KDM4A: variants seen among roughly 807,000 people sequenced by gnomAD.
KDM4A encodes lysine demethylase 4A.
Under a neutral mutation model 127.1 loss-of-function variants are expected in KDM4A, and 23 were observed. That is an observed-to-expected ratio of 0.18 (90% CI 0.13 to 0.26). The LOEUF (loss-of-function observed/expected upper bound fraction) is 0.26, where lower values mean the gene tolerates loss of function less well. Among genes scored for constraint, KDM4A ranks in the 10% least tolerant of loss-of-function variants. KDM4A has a pLI of 1.00. For missense variants in KDM4A, 890 were observed against 1,329.1 expected (o/e 0.67, Z 5.14); for synonymous variants, 443 against 466.5 (o/e 0.95, Z 0.65).
chr1:43,666,624 C>T, intron 7 of KDM4A, 69 bp downstream of exon 7: 2 of 1,250,620 alleles, frequency 1.6e-6, no homozygotes, highest in Non-Finnish European at 2.3e-6. Flanking sequence ...CAGTTTTATT[C>T]TAGTTCATCA....
rs922842200 is a variant in KDM4A at position 43,666,966 on chromosome 1, G to T, written c.790G>T (p.Ala264Ser). 5.0e-6 allele frequency: 8 copies of T among 1,614,050 alleles called. No individual in the cohort carries two copies. Among genetic ancestry groups the T allele is most frequent in the Non-Finnish European group, 5.9e-6 (7 of 1,179,942 alleles). Residue 264 changes from alanine (A) to serine (S), a missense_variant, in exon 8 of 22, where the codon GCT becomes TCT. Ala to Ser is a moderately conservative substitution (Grantham distance 99). Around this residue, in one of 7 missense-constraint regions of KDM4A, gnomAD observed 141 missense variants for 273.5 expected, o/e 0.52. Transcript: ENST00000372396. Reference sequence around the variant, plus strand: ...TGCTCTTGTTCAGGTGACTCAAGAGGCTGGAGAGTTTATGATCACTTTCCC... The same window carrying T: ...TGCTCTTGTTCAGGTGACTCAAGAGTCTGGAGAGTTTATGATCACTTTCCC... ...GIPFDKVTQE[A>S]GEFMITFPYG...
chr1:43,663,624 T>A lies in KDM4A; in HGVS notation c.623+537T>A, dbSNP rs548870299. On this transcript the variant is annotated intron_variant, in intron 5 of 21. Transcript: ENST00000372396. ...GCTGACCCATCTTTGAGTCTCAGCA[T>A]TTTTTTTTTTCTATTTTGAGACAGG... Among the ~76,000 whole-genome samples the A allele has an allele frequency of 6.8e-3, 704 of 102,876 alleles. 7 individuals carry two copies. The highest frequency in any genetic ancestry group is 0.023 in the South Asian group (91 of 3,976). The allele number at this position is 102,876 out of a possible 152,430, so 67.5% of individuals were successfully genotyped here.
intron 19 of KDM4A, among the ~76,000 whole-genome samples, chr1:43,701,927 A>T (rs571269501): frequency 2.0e-5 from 3 of 152,384 alleles, no homozygotes; most frequent in African/African-American, 7.2e-5. Context: ...AATGATTAAG[A>T]TTTAACAACA....
intron 9 of KDM4A, 110 bp from the exon 10 acceptor site, chr1:43,668,990 C>A: frequency 1.8e-6 from 2 of 1,108,660 alleles, no homozygotes. Flanking sequence ...TTGAGCCAGG[C>A]CTGACAGGCT....
chr1:43,653,130 T>A lies in KDM4A; in HGVS notation c.-39-7T>A. On this transcript the variant is annotated splice_polypyrimidine_tract_variant and splice_region_variant and intron_variant, in intron 1 of 21. Coordinates refer to ENST00000372396, the MANE Select transcript of KDM4A (RefSeq NM_014663.3). ...TATTATTTTATACTCTTAATGTGTT[T>A]CTTCAGATTCCTGTCTGACTAAAGG... is the stretch of plus-strand genomic sequence containing the variant. 2.6e-6 allele frequency: 4 copies of A among 1,528,196 alleles called. No homozygotes were observed. Among genetic ancestry groups the A allele is most frequent in the Non-Finnish European group, 3.6e-6 (4 of 1,126,128 alleles). The allele number at this position is 1,528,196 out of a possible 1,614,324, so 94.7% of individuals were successfully genotyped here.
At chr1:43,696,321 G>A (rs1055434942) in intron 18 of KDM4A, among the ~76,000 whole-genome samples, 1 of 152,206 alleles carries the variant, frequency 6.6e-6, no homozygotes, top group African/African-American at 2.4e-5. Context: ...TCTGCCATGA[G>A]TGAGTTACAA....
At position 43,672,440 on chromosome 1, in the gene KDM4A, G is replaced by C. The variant is rs567350271; in HGVS notation, c.1734+565G>C. ...CTGACCTCGTGATCTGCCCACCTCA[G>C]CCTCCCAAAGTGGTGGGATTACAGG... On this transcript the variant is annotated intron_variant, in intron 11 of 21. Transcript: ENST00000372396. Among the ~76,000 whole-genome samples the C allele has an allele frequency of 3.9e-5, 6 of 151,916 alleles. 1 individual carries two copies. In the East Asian group the frequency reaches 9.7e-4, roughly 25 times the overall value.
At chr1:43,677,719 A>G (rs964101125) in intron 11 of KDM4A, among the ~76,000 whole-genome samples, 20 of 152,340 alleles carry the variant, frequency 1.3e-4, no homozygotes, top group East Asian at 7.7e-4. Flanking sequence ...GGGGAGGAAG[A>G]AGGAGGCAAA....
At chr1:43,659,171 C>T (rs977478806) in intron 3 of KDM4A, among the ~76,000 whole-genome samples, 1 of 152,064 alleles carries the variant, frequency 6.6e-6, no homozygotes, top group Non-Finnish European at 1.5e-5. Flanking sequence ...TGTACACTTG[C>T]AGTCCTGGCT....
chr1:43,690,003 G>C (rs16831077), intron 13 of KDM4A, among the ~76,000 whole-genome samples: 6,519 of 152,314 alleles, frequency 0.043, 450 homozygotes, highest in African/African-American at 0.15. Context: ...CATAGGCTCT[G>C]GGGTTGACAT....
In KDM4A at chr1:43,691,060, C is replaced by T; in HGVS notation, c.2242+11C>T. 6.2e-7 allele frequency: 1 copy of T among 1,613,368 alleles called. No homozygotes were observed. Among genetic ancestry groups the T allele is most frequent in the South Asian group, 1.1e-5 (1 of 91,048 alleles). On this transcript the variant is annotated intron_variant, in intron 14 of 21. Transcript: ENST00000372396. ...TCCGGGTCCATGCCAGTGAGTGCTGCTCACCTTTCTCTGTGTCCTGTCCCA... is the reference window on the plus strand; with the variant it reads ...TCCGGGTCCATGCCAGTGAGTGCTGTTCACCTTTCTCTGTGTCCTGTCCCA...
intron 5 of KDM4A, among the ~76,000 whole-genome samples, chr1:43,665,107 T>C (rs1194272112): frequency 6.6e-6 from 1 of 152,222 alleles, no homozygotes; most frequent in African/African-American, 2.4e-5. Flanking sequence ...TTTCATTTTT[T>C]AGGAAGAGCA....
chr1:43,677,618 G>T (rs1660771398), intron 11 of KDM4A, among the ~76,000 whole-genome samples: 1 of 152,138 alleles, frequency 6.6e-6, no homozygotes, highest in African/African-American at 2.4e-5. Context: ...ACTTAATCAA[G>T]AAGCTGTCAT....
chr1:43,652,346 C>T (rs1660132384), intron 1 of KDM4A, among the ~76,000 whole-genome samples: 1 of 151,978 alleles, frequency 6.6e-6, no homozygotes, highest in South Asian at 2.1e-4. Context: ...CTTTTTTTAG[C>T]TGAAACAATT....
intron 4 of KDM4A, among the ~76,000 whole-genome samples, chr1:43,662,283 A>T (rs772922276): frequency 6.6e-6 from 1 of 151,296 alleles, no homozygotes; most frequent in Non-Finnish European, 1.5e-5. Context: ...TTTCTTTAGC[A>T]TCAGTTCAAA....
chr1:43,665,663 C>T (rs1660484659), intron 5 of KDM4A, 33 bp from the exon 6 acceptor site: 1 of 1,611,318 alleles, frequency 6.2e-7, no homozygotes, highest in African/African-American at 1.3e-5. Context: ...ACCTGCCCTC[C>T]ACCCAGCCTC....
chr1:43,657,023 C>T (rs1467292881), intron 3 of KDM4A, among the ~76,000 whole-genome samples: 4 of 152,100 alleles, frequency 2.6e-5, no homozygotes, highest in East Asian at 1.9e-4. Flanking sequence ...CCTTGCTCAG[C>T]CTCCCAAGTA....
intron 5 of KDM4A, among the ~76,000 whole-genome samples, chr1:43,665,366 CTTT>C (rs902974786): frequency 6.6e-6 from 1 of 151,258 alleles, no homozygotes; most frequent in Non-Finnish European, 1.5e-5. Context: ...TGACATCCTT[CTTT>C]TTTTTTCTTT....
At chr1:43,676,372 A>G (rs1352928491) in intron 11 of KDM4A, among the ~76,000 whole-genome samples, 1 of 152,080 alleles carries the variant, frequency 6.6e-6, no homozygotes, top group Non-Finnish European at 1.5e-5. Context: ...CCCAGGCTGG[A>G]GTGCAGTGGC....
Sources: allele counts gnomAD v4.1 joint callset (sites outside exome capture counted in the v4.1 genomes callset), GRCh38; gene constraint gnomAD v4.1.1; regional missense constraint gnomAD v4.1.1; transcripts MANE v1.5; gene names NCBI Gene and HGNC (gene_info 2026-07-23, HGNC 2026-07-21).